The following PRKAR1A variants were observed in gnomAD, a reference collection of about 807,000 sequenced individuals.
The protein encoded by PRKAR1A is cAMP-dependent protein kinase type I-alpha regulatory subunit.
Under a neutral mutation model 52.0 loss-of-function variants are expected in PRKAR1A, and 3 were observed. The ratio of observed to expected loss-of-function variants is 0.06; its 90% CI spans 0.03 to 0.15. The LOEUF (loss-of-function observed/expected upper bound fraction) is 0.15, where lower values mean the gene tolerates loss of function less well. Among genes scored for constraint, PRKAR1A ranks in the 10% least tolerant of loss-of-function variants. PRKAR1A has a pLI of 1.00. For missense variants in PRKAR1A, 240 were observed against 477.4 expected (o/e 0.50, Z 4.63); for synonymous variants, 188 against 168.4 (o/e 1.12, Z -0.90).
At chr17:68,487,581 G>T in the PRKAR1A span, among the ~76,000 whole-genome samples, 1 of 152,098 alleles carries the variant, frequency 6.6e-6, no homozygotes, top group Non-Finnish European at 1.5e-5. Flanking sequence ...CGGGTGGATT[G>T]CTTGAGGTCT....
chr17:68,453,509 C>A, the PRKAR1A span, among the ~76,000 whole-genome samples: 2 of 143,958 alleles, frequency 1.4e-5, no homozygotes, highest in African/African-American at 5.3e-5. Flanking sequence ...GAGGGAGTCT[C>A]GCTCTGTCAC....
At chr17:68,487,040 A>G in the PRKAR1A span, among the ~76,000 whole-genome samples, 8 of 151,866 alleles carry the variant, frequency 5.3e-5, no homozygotes, top group African/African-American at 7.3e-5. Context: ...CACCCGGCTA[A>G]TTTTTGTATT....
intron 11 of PRKAR1A, chr17:68,542,102 C>G: frequency 6.2e-7 from 1 of 1,613,896 alleles, no homozygotes. Context: ...GTGTGGGTTG[C>G]CACAGACAGC....
At chr17:68,432,113 A>G in the PRKAR1A span, among the ~76,000 whole-genome samples, 1 of 152,124 alleles carries the variant, frequency 6.6e-6, no homozygotes, top group Non-Finnish European at 1.5e-5. Context: ...AGGACAAACA[A>G]TGAGCTTTGG....
At chr17:68,492,137 T>C in the PRKAR1A span, among the ~76,000 whole-genome samples, 1 of 152,354 alleles carries the variant, frequency 6.6e-6, no homozygotes, top group East Asian at 1.9e-4. Context: ...TCATGTGGCA[T>C]TCGAAGTGAA....
At chr17:68,474,006 T>G in the PRKAR1A span, among the ~76,000 whole-genome samples, 54 of 150,810 alleles carry the variant, frequency 3.6e-4, no homozygotes, top group Non-Finnish European at 7.2e-4. Flanking sequence ...ATGTATTCGT[T>G]TTTTGATTTA....
chr17:68,436,620 C>T, the PRKAR1A span: 1 of 692,150 alleles, frequency 1.4e-6, no homozygotes, highest in Non-Finnish European at 2.4e-6. Context: ...CTGCTTTCCG[C>T]TGATGATTCT....
the PRKAR1A span, among the ~76,000 whole-genome samples, chr17:68,423,570 C>T: frequency 0.017 from 2,567 of 152,254 alleles, 80 homozygotes; most frequent in African/African-American, 0.059. This position sits in a 1 kb window ranked among gnomAD's most constrained non-coding sequence, Gnocchi z 4.4. Context: ...GTATTTCTTG[C>T]GTATAAATAA....
At chr17:68,457,628 C>T in the PRKAR1A span, 3 of 351,122 alleles carry the variant, frequency 8.5e-6, no homozygotes, top group Admixed American at 5.2e-5. Flanking sequence ...CGCCCCTTCT[C>T]GCCCCTCCAG....
Position 68,522,944 on chromosome 17 carries a change from A to C in PRKAR1A, c.348+18A>C. ...TTAGAAAGGTAGTTTTGATATTTGA[A>C]TATCGGGGGGATGCTTTTGGGACCC... On this transcript the variant is annotated intron_variant, in intron 3 of 10. Transcript: ENST00000589228. 1 of 1,612,548 alleles carries C rather than the reference A, an allele frequency of 6.2e-7. No individual in the cohort carries two copies. Among genetic ancestry groups the C allele is most frequent in the Non-Finnish European group, 8.5e-7 (1 of 1,179,742 alleles).
the PRKAR1A span, among the ~76,000 whole-genome samples, chr17:68,455,920 C>T: frequency 6.6e-6 from 1 of 152,218 alleles, no homozygotes; most frequent in Non-Finnish European, 1.5e-5. Flanking sequence ...GGCATTTCAA[C>T]AGCCATGCCC....
downstream of PRKAR1A, chr17:68,537,264 A>G: frequency 1.4e-6 from 1 of 719,966 alleles, no homozygotes; most frequent in Non-Finnish European, 2.4e-6. The surrounding 1 kb of genome is among the most constrained non-coding windows in gnomAD (Gnocchi z 4.2). Context: ...TTTTTGGGAA[A>G]AACGGAGCAA....
the PRKAR1A span, among the ~76,000 whole-genome samples, chr17:68,420,014 C>CATT: frequency 6.6e-6 from 1 of 152,086 alleles, no homozygotes; most frequent in Non-Finnish European, 1.5e-5. Flanking sequence ...AGGATCATCA[C>CATT]TGGAAGGAGC....
chr17:68,525,834 G>A lies in PRKAR1A; in HGVS notation c.630G>A (p.Pro210=), dbSNP rs756720013. The change falls in exon 7 of 11, where the codon CCG becomes CCA. Residue 210 remains proline, a synonymous_variant. Transcript: ENST00000589228. ...AACTTGCTTTGATTTATGGAACACC[G>A]AGAGCAGCCACTGTCAAAGCAAAGA... The part of the protein sequence containing the change: ...FGELALIYGT[P]RAATVKAKTN... 8.7e-6 allele frequency: 14 copies of A among 1,613,846 alleles called. No homozygotes were observed. Among genetic ancestry groups the A allele is most frequent in the East Asian group, 2.2e-5 (1 of 44,872 alleles).
chr17:68,487,898 C>T, the PRKAR1A span, among the ~76,000 whole-genome samples: 1 of 149,742 alleles, frequency 6.7e-6, no homozygotes, highest in African/African-American at 2.5e-5. Context: ...GTATCAGAGG[C>T]ATAACAGTGA....
the PRKAR1A span, among the ~76,000 whole-genome samples, chr17:68,501,683 C>G: frequency 1.3e-5 from 2 of 152,176 alleles, no homozygotes; most frequent in Admixed American, 6.5e-5. Flanking sequence ...GTCTCAAACT[C>G]CTGGCCTCAA....
chr17:68,466,558 C>T, the PRKAR1A span, among the ~76,000 whole-genome samples: 1 of 151,588 alleles, frequency 6.6e-6, no homozygotes, highest in East Asian at 2.0e-4. Flanking sequence ...ACTACAGACA[C>T]CTGCCACCAC....
At chr17:68,542,700 A>G in intron 11 of PRKAR1A, 2 of 1,612,828 alleles carry the variant, frequency 1.2e-6, no homozygotes, top group Non-Finnish European at 1.7e-6. Flanking sequence ...CTACCTGGAG[A>G]GACAAAGAAA....
downstream of PRKAR1A, chr17:68,537,506 C>G: frequency 6.2e-7 from 1 of 1,613,920 alleles, no homozygotes; most frequent in Non-Finnish European, 8.5e-7. This position sits in a 1 kb window ranked among gnomAD's most constrained non-coding sequence, Gnocchi z 4.2. Flanking sequence ...TGGCCAGAGT[C>G]TGGGGCCAAC....
Sources: allele counts gnomAD v4.1 joint callset (sites outside exome capture counted in the v4.1 genomes callset), GRCh38; gene constraint gnomAD v4.1.1; non-coding constraint Gnocchi (gnomAD v3.1); transcripts MANE v1.5; gene names NCBI Gene and HGNC (gene_info 2026-07-23, HGNC 2026-07-21).